IPCEF1: variants seen among roughly 807,000 people sequenced by gnomAD.
The protein encoded by IPCEF1 is interaction protein for cytohesin exchange factors 1.
A neutral mutation model predicts 50.9 loss-of-function variants in IPCEF1; 31 were observed. The observed-to-expected ratio is 0.61, with a 90% CI of 0.46 to 0.82. The LOEUF (loss-of-function observed/expected upper bound fraction) is 0.82. IPCEF1 is among the 40% of genes least tolerant of loss of function. The pLI, the probability that IPCEF1 is intolerant of heterozygous loss-of-function variation, is 0.00. For synonymous variants in IPCEF1, 181 were observed against 192.0 expected, an observed-to-expected ratio of 0.94 and a Z score of 0.47; for missense variants, 458 against 514.0, an observed-to-expected ratio of 0.89 and a Z score of 1.05.
chr6:154,189,118 T>C (rs550326657), intron 10 of IPCEF1, among the ~76,000 whole-genome samples: 55 of 152,206 alleles, frequency 3.6e-4, no homozygotes, highest in African/African-American at 1.2e-3. Flanking sequence ...TACAAATCCA[T>C]TGGAAAAACA....
intron 10 of IPCEF1, among the ~76,000 whole-genome samples, chr6:154,186,394 T>A (rs947796646): frequency 6.6e-6 from 1 of 152,228 alleles, no homozygotes; most frequent in African/African-American, 2.4e-5. Context: ...TTTTAAAATA[T>A]ACACAGCATC....
intron 9 of IPCEF1, among the ~76,000 whole-genome samples, chr6:154,207,634 C>T (rs1467770104): frequency 6.6e-6 from 1 of 152,050 alleles, no homozygotes; most frequent in East Asian, 1.9e-4. Flanking sequence ...AACTCTGGGG[C>T]TCAAGCCATC....
intron 9 of IPCEF1, among the ~76,000 whole-genome samples, chr6:154,206,637 G>A (rs1283774088): frequency 1.3e-5 from 2 of 152,142 alleles, no homozygotes; most frequent in East Asian, 3.8e-4. Context: ...AACACTATGG[G>A]AATACAGAGA....
chr6:154,275,081 T>G (rs908156095), intron 2 of IPCEF1, among the ~76,000 whole-genome samples: 4 of 152,174 alleles, frequency 2.6e-5, no homozygotes, highest in African/African-American at 9.7e-5. Context: ...TGGCAGCTCT[T>G]GTTCAGTTTT....
At chr6:154,311,981 A>G (rs1450788492) in intron 1 of IPCEF1, among the ~76,000 whole-genome samples, 3 of 151,790 alleles carry the variant, frequency 2.0e-5, no homozygotes, top group African/African-American at 4.9e-5. Context: ...AAAAGAAATG[A>G]AATCAGTATA....
At chr6:154,275,188 AGC>A (rs1488940408) in intron 2 of IPCEF1, among the ~76,000 whole-genome samples, 1 of 152,204 alleles carries the variant, frequency 6.6e-6, no homozygotes, top group Non-Finnish European at 1.5e-5. Context: ...GATCCAAGCT[AGC>A]CGTATGCTGA....
intron 1 of IPCEF1, among the ~76,000 whole-genome samples, chr6:154,355,026 A>G (rs1784191615): frequency 6.8e-6 from 1 of 147,322 alleles, no homozygotes; most frequent in African/African-American, 2.6e-5. Flanking sequence ...ACACACACAC[A>G]CACACACACA....
At chr6:154,248,061 T>C (rs1482697819) in intron 3 of IPCEF1, among the ~76,000 whole-genome samples, 1 of 152,148 alleles carries the variant, frequency 6.6e-6, no homozygotes, top group Admixed American at 6.5e-5. Context: ...CAATCAACCC[T>C]CCTTATCAGG....
chr6:154,223,298 T>A, intron 5 of IPCEF1, 55 bp from the exon 6 acceptor site: 5 of 1,324,808 alleles, frequency 3.8e-6, no homozygotes, highest in Non-Finnish European at 5.4e-6. Context: ...TGGGGATTAG[T>A]GCATTGAGAT....
rs546817699 is a variant in IPCEF1 at position 154,182,447 on chromosome 6, CTGAT to C, written c.911-14338_911-14335del. On this transcript the variant is annotated intron_variant, in intron 10 of 11. Coordinates refer to ENST00000367220, the MANE Select transcript of IPCEF1 (RefSeq NM_001130700.2). ...TAAGTTGACTCCATTGCTCAACTAT[CTGAT>C]TAAGTAGCTTTATATTCTTAAAACA... Among the ~76,000 whole-genome samples, 146 of 152,248 alleles carry C rather than the reference CTGAT, an allele frequency of 9.6e-4. 1 individual carries two copies. The highest frequency in any genetic ancestry group is 3.4e-3 in the Middle Eastern group (1 of 294).
chr6:154,250,242 G>A lies in IPCEF1; in HGVS notation c.37-2754C>T, dbSNP rs73567201. On this transcript the variant is annotated intron_variant, in intron 3 of 11. Coordinates refer to ENST00000367220, the MANE Select transcript of IPCEF1 (RefSeq NM_001130700.2). Reference sequence around the variant, plus strand: ...AAAATGATCTTGCATGTGGTTTTTCGCTAGGTAAGTAAAAAAAAAAAAAAA... The same window carrying A: ...AAAATGATCTTGCATGTGGTTTTTCACTAGGTAAGTAAAAAAAAAAAAAAA... 7.3e-3 allele frequency among the ~76,000 whole-genome samples: 1,092 copies of A among 149,450 alleles called. 18 individuals are homozygous for A. The highest frequency in any genetic ancestry group is 0.025 in the African/African-American group (1,032 of 40,712).
chr6:154,266,857 C>T (rs549308182), intron 2 of IPCEF1, among the ~76,000 whole-genome samples: 1 of 152,116 alleles, frequency 6.6e-6, no homozygotes, highest in Non-Finnish European at 1.5e-5. Flanking sequence ...ATGTTTTCAA[C>T]ATTGACAAGC....
chr6:154,213,220 T>C, intron 8 of IPCEF1: 1 of 243,502 alleles, frequency 4.1e-6, no homozygotes, highest in Non-Finnish European at 8.2e-6. Flanking sequence ...GCAGGATCAC[T>C]AAACTATCAG....
chr6:154,329,723 AT>A lies in IPCEF1; in HGVS notation c.-62+26948del, dbSNP rs370359958. Among the ~76,000 whole-genome samples the A allele has an allele frequency of 9.3e-5, 14 of 150,966 alleles. No homozygotes were observed. The East Asian group carries it at 1.5e-3, about 17-fold the overall frequency. On this transcript the variant is annotated intron_variant, in intron 1 of 11. Transcript: ENST00000367220. ...TTCGTCATGCAAAAAAGAAAGTGAA[AT>A]TTTTTTTTTCACCAATTCTCTACTC...
At chr6:154,345,169 C>T (rs189195850) in intron 1 of IPCEF1, among the ~76,000 whole-genome samples, 10 of 152,316 alleles carry the variant, frequency 6.6e-5, no homozygotes, top group South Asian at 2.1e-4. Flanking sequence ...CGTATCCAGT[C>T]GGTTCTTTTG....
intron 1 of IPCEF1, among the ~76,000 whole-genome samples, chr6:154,336,856 G>A (rs893007859): frequency 3.9e-5 from 6 of 151,978 alleles, no homozygotes; most frequent in South Asian, 2.1e-4. Context: ...CTCCCACCTC[G>A]GTCTCCCAAA....
intron 10 of IPCEF1, among the ~76,000 whole-genome samples, chr6:154,183,140 C>T (rs992217573): frequency 5.9e-5 from 9 of 152,030 alleles, no homozygotes; most frequent in South Asian, 2.1e-4. Context: ...CCACCACACC[C>T]GGCTAATTTT....
intron 1 of IPCEF1, among the ~76,000 whole-genome samples, chr6:154,296,514 A>G (rs1782660787): frequency 6.6e-6 from 1 of 152,128 alleles, no homozygotes; most frequent in Non-Finnish European, 1.5e-5. Flanking sequence ...ACCAAAACGT[A>G]TGTACCACCT....
Position 154,186,592 on chromosome 6 carries a change from T to G in IPCEF1, c.910+13076A>C, listed in dbSNP as rs533433003. Among the ~76,000 whole-genome samples the G allele has an allele frequency of 1.5e-3, 234 of 152,196 alleles. 1 individual carries two copies. The highest frequency in any genetic ancestry group is 3.1e-3 in the South Asian group (15 of 4,818). On this transcript the variant is annotated intron_variant, in intron 10 of 11. Coordinates refer to ENST00000367220, the MANE Select transcript of IPCEF1 (RefSeq NM_001130700.2). ...TTTTTTTTGAGACGGAGTCTCGCTT[T>G]GTCGCCCAGGCTGGAGTGCAGTGGT...
Sources: allele counts gnomAD v4.1 joint callset (sites outside exome capture counted in the v4.1 genomes callset), GRCh38; gene constraint gnomAD v4.1.1; transcripts MANE v1.5; gene names NCBI Gene and HGNC (gene_info 2026-07-23, HGNC 2026-07-21).